FRYL: variants seen among roughly 807,000 people sequenced by gnomAD.
FRYL encodes the protein FRY like transcription coactivator.
FRYL carries 150 observed loss-of-function variants against 351.2 expected under a neutral mutation model. The observed-to-expected ratio is 0.43, with a 90% CI of 0.37 to 0.49. The LOEUF (loss-of-function observed/expected upper bound fraction) is 0.49, where lower values mean the gene tolerates loss of function less well. FRYL is among the 20% of genes least tolerant of loss of function. FRYL has a pLI of 0.00. For synonymous variants in FRYL, 1,153 were observed against 1,257.1 expected, an observed-to-expected ratio of 0.92 and a Z score of 1.75; for missense variants, 3,036 against 3,619.3, an observed-to-expected ratio of 0.84 and a Z score of 4.13.
At chr4:48,756,270 A>T (rs754902677) in intron 1 of FRYL, among the ~76,000 whole-genome samples, 13 of 152,090 alleles carry the variant, frequency 8.5e-5, no homozygotes, top group Non-Finnish European at 1.9e-4. Context: ...GTGTTTCCCA[A>T]AATACAATTT....
chr4:48,628,431 C>CGCGTGTGTGTGT (rs1553956077), intron 4 of FRYL, among the ~76,000 whole-genome samples: 11 of 144,662 alleles, frequency 7.6e-5, no homozygotes, highest in Non-Finnish European at 7.5e-5. Flanking sequence ...CCTTCATTTG[C>CGCGTGTGTGTGT]GTGTGTGTGT....
In FRYL at chr4:48,659,448, G is replaced by GGGAGAAGAA. The variant is rs1481279613; in HGVS notation, c.-80-24959_-80-24958insTTCTTCTCC. On this transcript the variant is annotated intron_variant, in intron 3 of 63. Transcript: ENST00000358350. ...GAGAAGAGGAAGAGGAAGAGGAAGA[G>GGGAGAAGAA]GAAGAGGGAGAAGAGGAAGAGGGAG... Among the ~76,000 whole-genome samples, 18 of 3,366 alleles carry GGGAGAAGAA rather than the reference G, an allele frequency of 5.3e-3. 9 individuals carry two copies. The highest frequency in any genetic ancestry group is 0.02 in the Non-Finnish European group (16 of 798). 2.2% of individuals were successfully genotyped at this position (3,366 alleles called of 152,430 possible).
At chr4:48,655,864 C>CAT (rs1345292149) in intron 3 of FRYL, among the ~76,000 whole-genome samples, 1 of 140,802 alleles carries the variant, frequency 7.1e-6, no homozygotes, top group Non-Finnish European at 1.5e-5. Context: ...TATATACATA[C>CAT]ATATATACAC....
chr4:48,720,209 A>G (rs564701274), intron 1 of FRYL, among the ~76,000 whole-genome samples: 23 of 150,904 alleles, frequency 1.5e-4, no homozygotes, highest in African/African-American at 5.6e-4. Context: ...TTTAAAATGT[A>G]CATTAAGGCT....
chr4:48,627,994 T>A (rs1245454009), intron 4 of FRYL, among the ~76,000 whole-genome samples: 1 of 152,124 alleles, frequency 6.6e-6, no homozygotes, highest in East Asian at 1.9e-4. Context: ...TGGTCTCGAA[T>A]GCCTGACCTC....
In FRYL at chr4:48,535,693, T is replaced by C; in HGVS notation, c.6528A>G (p.Ser2176=). The C allele has an allele frequency of 6.3e-7, 1 of 1,594,528 alleles. No individual in the cohort carries two copies. The highest frequency in any genetic ancestry group is 8.5e-7 in the Non-Finnish European group (1 of 1,172,678). Reference sequence around the variant, plus strand: ...AAGTCACAAGATTAAATGTTGTATCTGAGAAGGAGTCATGCAGGTATCTGC... The same window carrying C: ...AAGTCACAAGATTAAATGTTGTATCCGAGAAGGAGTCATGCAGGTATCTGC... ...VVCRYLHDSF[S]DTTFNLVTYL... is the part of the protein sequence containing the mutation. The change falls in exon 48 of 64, where the codon TCA becomes TCG. Residue 2176 remains serine (S), a synonymous_variant. Transcript: ENST00000358350.
chr4:48,577,679 A>T (rs1177291234), intron 23 of FRYL, among the ~76,000 whole-genome samples: 3 of 152,148 alleles, frequency 2.0e-5, no homozygotes, highest in Non-Finnish European at 4.4e-5. Context: ...AAGGTCATAA[A>T]TGGTATGCAA....
At chr4:48,523,165 T>TA in intron 53 of FRYL, 61 bp from the exon 54 acceptor site, 1 of 1,122,680 alleles carries the variant, frequency 8.9e-7, no homozygotes, top group Non-Finnish European at 1.3e-6. Flanking sequence ...GTACTAAATG[T>TA]AATATACCAG....
At chr4:48,513,267 C>G (rs1031383863) in intron 56 of FRYL, among the ~76,000 whole-genome samples, 2 of 152,184 alleles carry the variant, frequency 1.3e-5, no homozygotes, top group Admixed American at 6.5e-5. Flanking sequence ...GAACCCAGGA[C>G]TACGGGTCCA....
At chr4:48,643,922 T>C (rs1755844957) in intron 3 of FRYL, among the ~76,000 whole-genome samples, 1 of 152,152 alleles carries the variant, frequency 6.6e-6, no homozygotes, top group Non-Finnish European at 1.5e-5. Context: ...AAAATTAATA[T>C]ATTAATTAGC....
chr4:48,778,837 C>G (rs1454844806), intron 1 of FRYL, among the ~76,000 whole-genome samples: 1 of 151,932 alleles, frequency 6.6e-6, no homozygotes, highest in Non-Finnish European at 1.5e-5. Flanking sequence ...TTTTTCCCCC[C>G]CAATCCGACA....
chr4:48,705,556 T>C (rs1473939969), intron 2 of FRYL, among the ~76,000 whole-genome samples: 1 of 95,240 alleles, frequency 1.0e-5, no homozygotes, highest in African/African-American at 5.3e-5. Flanking sequence ...TATATTTTTC[T>C]TAAAAAAAAA....
intron 55 of FRYL, among the ~76,000 whole-genome samples, chr4:48,516,432 T>G (rs1238694445): frequency 1.3e-5 from 2 of 152,228 alleles, no homozygotes; most frequent in Non-Finnish European, 2.9e-5. Flanking sequence ...GTTTTTAGTT[T>G]ATTGGTTTAA....
chr4:48,658,218 G>T (rs1366210510), intron 3 of FRYL, among the ~76,000 whole-genome samples: 2 of 151,998 alleles, frequency 1.3e-5, no homozygotes, highest in African/African-American at 2.4e-5. Context: ...TTACTCATTT[G>T]TAGGAAAAAA....
At chr4:48,566,837 G>A (rs1466239753) in intron 28 of FRYL, among the ~76,000 whole-genome samples, 3 of 152,112 alleles carry the variant, frequency 2.0e-5, no homozygotes, top group African/African-American at 7.2e-5. Flanking sequence ...AACATATCTG[G>A]TAAATCAGTA....
chr4:48,595,501 G>T, intron 15 of FRYL, 89 bp downstream of exon 15: 1 of 627,808 alleles, frequency 1.6e-6, no homozygotes, highest in Non-Finnish European at 2.7e-6. Context: ...TATGTTTTTA[G>T]ATGCATAAAA....
chr4:48,535,437 CTT>C (rs1289376835), intron 48 of FRYL, among the ~76,000 whole-genome samples: 1 of 151,954 alleles, frequency 6.6e-6, no homozygotes, highest in African/African-American at 2.4e-5. Context: ...TAGGAAGTAA[CTT>C]ATATTTTTAT....
At chr4:48,745,956 G>A (rs1405744120) in intron 1 of FRYL, among the ~76,000 whole-genome samples, 1 of 152,076 alleles carries the variant, frequency 6.6e-6, no homozygotes, top group African/African-American at 2.4e-5. Context: ...CAGTATCTTA[G>A]AGTAAATAAA....
chr4:48,553,374 C>T lies in FRYL; in HGVS notation c.4276G>A (p.Val1426Ile). Residue 1426 changes from valine to isoleucine, a missense_variant, in exon 36 of 64, where the codon GTC becomes ATC. Physicochemically the swap from Val to Ile is conservative, Grantham distance 29. Coordinates refer to ENST00000358350, the MANE Select transcript of FRYL (RefSeq NM_015030.2). ...TTATCTCTACCTAAATATACAATGA[C>T]CTTCTTCACCTGTCACAAAAGAAAT... ...EPSLLPYVKK[V>I]IVYLGRDKTM... 1 of 1,602,498 alleles carries T rather than the reference C, an allele frequency of 6.2e-7. No homozygotes were observed. The highest frequency in any genetic ancestry group is 1.1e-5 in the South Asian group (1 of 88,636).
Sources: allele counts gnomAD v4.1 joint callset (sites outside exome capture counted in the v4.1 genomes callset), GRCh38; gene constraint gnomAD v4.1.1; transcripts MANE v1.5; gene names NCBI Gene and HGNC (gene_info 2026-07-23, HGNC 2026-07-21).